The following MYH11 variants were observed in gnomAD, a reference collection of about 807,000 sequenced individuals.
MYH11 encodes the protein myosin-11.
MYH11 carries 80 observed loss-of-function variants against 246.6 expected under a neutral mutation model. The ratio of observed to expected loss-of-function variants is 0.32; its 90% confidence interval spans 0.27 to 0.39. The LOEUF (loss-of-function observed/expected upper bound fraction) is 0.39, where lower values mean the gene tolerates loss of function less well. MYH11 is among the 10% of genes least tolerant of loss of function. The pLI is 1.00. For synonymous variants in MYH11, 1,071 were observed against 1,015.5 expected (o/e 1.05, Z -1.04); for missense variants, 2,158 against 2,546.8 (o/e 0.85, Z 3.29).
intron 31 of MYH11, among the ~76,000 whole-genome samples, chr16:15,723,775 T>C (rs566606658): frequency 1.3e-5 from 2 of 152,332 alleles, no homozygotes; most frequent in Admixed American, 1.3e-4. Context: ...AATGAAATCT[T>C]AGGGAAGAGT....
Position 15,720,317 on chromosome 16 carries a change from G to A in MYH11, c.4792-5C>T, listed in dbSNP as rs762621116. 1.2e-6 allele frequency: 2 copies of A among 1,613,168 alleles called. No individual in the cohort carries two copies. Among genetic ancestry groups the A allele is most frequent in the African/African-American group, 2.7e-5 (2 of 74,910 alleles). ...TTCCGTCTCATACTCGTGAAGCTGG[G>A]CGAGGAATAGAGATGTGTGCTGCCC... On this transcript the variant is annotated splice_polypyrimidine_tract_variant and splice_region_variant and intron_variant, in intron 33 of 40. Transcript: ENST00000300036.
At chr16:15,762,388 T>C (rs1176282054) in intron 10 of MYH11, among the ~76,000 whole-genome samples, 1 of 152,216 alleles carries the variant, frequency 6.6e-6, no homozygotes, top group Non-Finnish European at 1.5e-5. Context: ...TTTGAAATTA[T>C]GGTTTAGGAG....
Position 15,778,835 on chromosome 16 carries a change from G to C in MYH11, c.735C>G (p.Phe245Leu). Residue 245 changes from phenylalanine to leucine, a missense_variant, in exon 7 of 41, where the codon TTC becomes TTG. Physicochemically the swap from Phe to Leu is conservative, Grantham distance 22. Transcript: ENST00000300036. ...KNDNSSRFGK[F>L]IRINFDVTGY... The stretch of plus-strand genomic sequence containing the variant: ...CCGTGACGTCGAAGTTGATGCGGAT[G>C]AATTTGCCCTGCCAACAGGAAAACA... 6.2e-7 allele frequency: 1 copy of C among 1,614,102 alleles called. No homozygotes were observed. Among genetic ancestry groups the C allele is most frequent in the Non-Finnish European group, 8.5e-7 (1 of 1,180,016 alleles).
At chr16:15,709,881 A>G (rs1050870516) in intron 40 of MYH11, among the ~76,000 whole-genome samples, 3 of 152,114 alleles carry the variant, frequency 2.0e-5, no homozygotes, top group Non-Finnish European at 4.4e-5. Context: ...CTCTTGCCGG[A>G]GGTAACTGGC....
intron 5 of MYH11, chr16:15,784,941 C>T (rs2042434471): frequency 1.9e-6 from 1 of 532,236 alleles, no homozygotes; most frequent in Admixed American, 3.2e-5. Flanking sequence ...TCAGGCAATC[C>T]TCCTGCCTCA....
chr16:15,843,086 C>T (rs1180723720), intron 1 of MYH11, among the ~76,000 whole-genome samples: 4 of 152,066 alleles, frequency 2.6e-5, no homozygotes, highest in Non-Finnish European at 5.9e-5. Context: ...TAGTGGGTCT[C>T]AAGCTGGGCA....
chr16:15,715,120 G>T, intron 39 of MYH11, 39 bp from the exon 40 acceptor site: 1 of 1,611,964 alleles, frequency 6.2e-7, no homozygotes, highest in Non-Finnish European at 8.5e-7. Flanking sequence ...GGGGAGGCCG[G>T]CTGGGGGCTG....
chr16:15,756,455 C>T lies in MYH11; in HGVS notation c.1635G>A (p.Thr545=), dbSNP rs773802963. Residue 545 remains threonine (T), a synonymous_variant, in exon 14 of 41, where the codon ACG becomes ACA. Transcript: ENST00000300036. ...ACAGCTTCTCCACGAAAGACTTGTC[C>T]GTGGCTTTGGGGAACCAGCATTCCT... ...LDEECWFPKA[T]DKSFVEKLCT... 1.9e-6 allele frequency: 3 copies of T among 1,614,064 alleles called. No individual in the cohort carries two copies. Among genetic ancestry groups the T allele is most frequent in the East Asian group, 4.5e-5 (2 of 44,880 alleles).
intron 33 of MYH11, 90 bp from the exon 34 acceptor site, chr16:15,720,402 C>T (rs1331483931): frequency 4.1e-5 from 61 of 1,501,748 alleles, no homozygotes; most frequent in Non-Finnish European, 5.5e-5. Flanking sequence ...ACCCCTTCCC[C>T]AGCACAGCCC....
chr16:15,802,138 G>A (rs1029975659), intron 3 of MYH11, among the ~76,000 whole-genome samples: 6 of 152,110 alleles, frequency 3.9e-5, no homozygotes, highest in African/African-American at 1.4e-4. Flanking sequence ...AGTCGGTATT[G>A]TTCTTTATGA....
intron 20 of MYH11, among the ~76,000 whole-genome samples, chr16:15,744,208 T>G (rs1169665836): frequency 1.3e-5 from 2 of 152,198 alleles, no homozygotes; most frequent in Non-Finnish European, 2.9e-5. Flanking sequence ...TATTTTTTTT[T>G]GAGACGGAGT....
intron 10 of MYH11, 55 bp downstream of exon 10, chr16:15,763,741 T>TCCGGCCCCCC: frequency 1.5e-6 from 1 of 646,850 alleles, no homozygotes; most frequent in Non-Finnish European, 2.9e-6. Flanking sequence ...AAATGTCACC[T>TCCGGCCCCCC]CCCCCACCCC....
In MYH11 at chr16:15,719,710, G is replaced by A; in HGVS notation, c.4957C>T (p.Gln1653Ter). 1 of 1,614,118 alleles carries A rather than the reference G, an allele frequency of 6.2e-7. No homozygotes were observed. Among genetic ancestry groups the A allele is most frequent in the Non-Finnish European group, 8.5e-7 (1 of 1,180,034 alleles). ...AIKQLRKLQAQMKDFQRELED... is the reference protein window; with the variant it reads ...AIKQLRKLQA ...AGCTCTCTTTGAAAGTCCTTCATCTGAGCCTGCATGAGTCAACAGGGAGGA... is the reference window on the plus strand; with the variant it reads ...AGCTCTCTTTGAAAGTCCTTCATCTAAGCCTGCATGAGTCAACAGGGAGGA... Residue 1653 changes from glutamine (Q) to a stop codon, truncating the protein, a stop_gained, in exon 35 of 41, where the codon CAG becomes TAG. Coordinates refer to ENST00000300036, the MANE Select transcript of MYH11 (RefSeq NM_002474.3). LOFTEE classifies it high-confidence loss of function.
chr16:15,779,256 A>C, intron 6 of MYH11: 1 of 322,018 alleles, frequency 3.1e-6, no homozygotes, highest in Non-Finnish European at 6.1e-6. Context: ...CCATGACCTC[A>C]CCCTCCCAAG....
intron 28 of MYH11, chr16:15,726,629 A>G (rs1220722091): frequency 1.5e-5 from 9 of 617,716 alleles, no homozygotes; most frequent in South Asian, 7.6e-5. Flanking sequence ...CTGTCTCCCA[A>G]AGTGCTGGGA....
chr16:15,789,117 G>A (rs1244975383), intron 4 of MYH11, among the ~76,000 whole-genome samples: 2 of 152,114 alleles, frequency 1.3e-5, no homozygotes, highest in African/African-American at 2.4e-5. Context: ...CTTGCCCAGA[G>A]TGGGTAAGCA....
At position 15,724,264 on chromosome 16, in the gene MYH11, G is replaced by T. The variant is rs146817436; in HGVS notation, c.4262C>A (p.Thr1421Asn). The T allele has an allele frequency of 6.2e-7, 1 of 1,614,046 alleles. No homozygotes were observed. Among genetic ancestry groups the T allele is most frequent in the African/African-American group, 1.3e-5 (1 of 74,914 alleles). The change falls in exon 31 of 41, where the codon ACC becomes AAC. Residue 1421 changes from threonine (T) to asparagine (N), a missense_variant. By Grantham distance (65) the Thr-to-Asn change is moderately conservative. Transcript: ENST00000300036. Reference sequence around the variant, plus strand: ...CAGCTCCTGCTGAAGCCTGTTCTTGGTCTTTTCCAGTTTATCATAAGCGGC... The same window carrying T: ...CAGCTCCTGCTGAAGCCTGTTCTTGTTCTTTTCCAGTTTATCATAAGCGGC... The part of the protein sequence containing the change: ...KAAAYDKLEK[T>N]KNRLQQELDD...
rs181108721 is a variant in MYH11, at chr16:15,706,059, T to C, written c.5787-1936A>G. 7.4e-4 allele frequency among the ~76,000 whole-genome samples: 111 copies of C among 150,586 alleles called. 1 individual carries two copies. The highest frequency in any genetic ancestry group is 2.6e-3 in the African/African-American group (106 of 40,880). ...GAAGAGGAATTCGCAAATGACCCTTTTGTTGACAGAGGATGGGAGAGACCC... is the reference window on the plus strand; with the variant it reads ...GAAGAGGAATTCGCAAATGACCCTTCTGTTGACAGAGGATGGGAGAGACCC... On this transcript the variant is annotated intron_variant, in intron 40 of 40. Coordinates refer to ENST00000300036, the MANE Select transcript of MYH11 (RefSeq NM_002474.3).
At chr16:15,829,980 C>CA (rs532287864) in intron 2 of MYH11, among the ~76,000 whole-genome samples, 137 of 152,232 alleles carry the variant, frequency 9.0e-4, no homozygotes, top group Middle Eastern at 3.4e-3. Flanking sequence ...ACTAAAAATA[C>CA]AAAAATTAGC....
Sources: allele counts gnomAD v4.1 joint callset (sites outside exome capture counted in the v4.1 genomes callset), GRCh38; gene constraint gnomAD v4.1.1; transcripts MANE v1.5; gene names NCBI Gene and HGNC (gene_info 2026-07-23, HGNC 2026-07-21).